Variants in KREMEN1 observed in about 807,000 individuals in gnomAD.
KREMEN1 encodes the protein kremen protein 1.
Under a neutral mutation model 46.5 loss-of-function variants are expected in KREMEN1, and 30 were observed. The ratio of observed to expected loss-of-function variants is 0.65; its 90% CI spans 0.48 to 0.88. The LOEUF (loss-of-function observed/expected upper bound fraction) is 0.88. Ranked by LOEUF, KREMEN1 falls within the 40% of genes least tolerant of loss-of-function variation. KREMEN1 has a pLI of 0.00. For synonymous variants in KREMEN1, 214 were observed against 230.6 expected (o/e 0.93, Z 0.65); for missense variants, 533 against 596.9 (o/e 0.89, Z 1.11).
intron 4 of KREMEN1, chr22:29,125,055 G>A (rs540866523): frequency 7.5e-5 from 42 of 558,916 alleles, no homozygotes; most frequent in Admixed American, 7.2e-4. Context: ...AGTGATGCTC[G>A]CCGACAGGGA....
At chr22:29,105,398 T>C (rs977622288) in intron 3 of KREMEN1, among the ~76,000 whole-genome samples, 2 of 150,824 alleles carry the variant, frequency 1.3e-5, no homozygotes, top group Non-Finnish European at 3.0e-5. Flanking sequence ...TGGGTTGGGG[T>C]AGTAAGGGCA....
downstream of KREMEN1, among the ~76,000 whole-genome samples, chr22:29,147,095 C>T (rs1200847434): frequency 6.6e-6 from 1 of 152,184 alleles, no homozygotes; most frequent in Non-Finnish European, 1.5e-5. Flanking sequence ...CAAGGCTCTG[C>T]AGCAGAGAGA....
At position 29,118,404 on chromosome 22, in the gene KREMEN1, G is replaced by C. The variant is rs138927430; in HGVS notation, c.353-2953G>C. 1.4e-3 allele frequency among the ~76,000 whole-genome samples: 214 copies of C among 152,216 alleles called. 1 individual carries two copies. Among genetic ancestry groups the C allele is most frequent in the African/African-American group, 4.7e-3 (196 of 41,544 alleles). On this transcript the variant is annotated intron_variant, in intron 3 of 8. Transcript: ENST00000400335. ...TATACAAGGGCATGAATACCAGGAA[G>C]GGGGGATCTGTCTTAGGCAGTTTGG...
At chr22:29,159,268 C>T (rs948257293) in intron 9 of KREMEN1, among the ~76,000 whole-genome samples, 18 of 151,924 alleles carry the variant, frequency 1.2e-4, no homozygotes, top group African/African-American at 3.6e-4. Context: ...ACCCAGCCAG[C>T]CCAGGAGTGT....
Position 29,094,423 on chromosome 22 carries a change from A to G in KREMEN1, c.260+3A>G, listed in dbSNP as rs1437770071. ...CTGGGTGAGCACAACTATTGCAGGT[A>G]AGATGGGGCCACTCAGTACTTTAAA... On this transcript the variant is annotated splice_donor_region_variant and intron_variant, in intron 2 of 8. Transcript: ENST00000400335. 3 of 1,611,484 alleles carry G rather than the reference A, an allele frequency of 1.9e-6. No individual in the cohort carries two copies. The highest frequency in any genetic ancestry group is 2.5e-6 in the Non-Finnish European group (3 of 1,178,870).
intron 9 of KREMEN1, chr22:29,166,906 C>T (rs1354184204): frequency 2.9e-6 from 2 of 682,214 alleles, no homozygotes; most frequent in Admixed American, 2.1e-5. Flanking sequence ...GCACTCCAGG[C>T]TGGGTGACAG....
intron 5 of KREMEN1, among the ~76,000 whole-genome samples, chr22:29,126,255 A>C (rs1163473628): frequency 6.6e-6 from 1 of 152,202 alleles, no homozygotes; most frequent in Non-Finnish European, 1.5e-5. Context: ...CATATGGTTT[A>C]TTAGTTTCCT....
intron 9 of KREMEN1, chr22:29,166,949 A>C: frequency 1.0e-6 from 1 of 1,000,198 alleles, no homozygotes. Context: ...AAAACAAAAG[A>C]GACCAAAATC....
At chr22:29,134,373 T>C (rs2038622964) in intron 5 of KREMEN1, among the ~76,000 whole-genome samples, 1 of 152,092 alleles carries the variant, frequency 6.6e-6, no homozygotes, top group Non-Finnish European at 1.5e-5. Context: ...CTCAGGCTGG[T>C]TTTGAACTCC....
chr22:29,159,229 G>A (rs971872197), intron 9 of KREMEN1, among the ~76,000 whole-genome samples: 1 of 149,628 alleles, frequency 6.7e-6, no homozygotes, highest in African/African-American at 2.5e-5. Flanking sequence ...GCCTCCCAAA[G>A]TGCTGGGATT....
chr22:29,144,507 C>T lies in KREMEN1; in HGVS notation c.*2395C>T, dbSNP rs2038821692. 1.1e-5 allele frequency: 11 copies of T among 985,384 alleles called. No homozygotes were observed. The highest frequency in any genetic ancestry group is 6.1e-5 in the Admixed American group (1 of 16,268). The allele number at this position is 985,384 out of a possible 1,614,324, so 61.0% of individuals were successfully genotyped here. The stretch of plus-strand genomic sequence containing the variant: ...TCTGGAAAGAGCAGCTGTCCGCAGG[C>T]CTCTGTCTCCAAGAGGCCTGTCACA... On this transcript the variant is annotated 3_prime_UTR_variant, in exon 9 of 9. Transcript: ENST00000400335.
At chr22:29,164,473 T>A (rs2039036706) in intron 9 of KREMEN1, among the ~76,000 whole-genome samples, 1 of 152,136 alleles carries the variant, frequency 6.6e-6, no homozygotes, top group African/African-American at 2.4e-5. Context: ...TGTAACAAAC[T>A]ATCCAAAAAT....
At chr22:29,105,512 C>CACACACACAT (rs56047123) in intron 3 of KREMEN1, among the ~76,000 whole-genome samples, 1 of 151,174 alleles carries the variant, frequency 6.6e-6, no homozygotes, top group Non-Finnish European at 1.5e-5. Context: ...CACACACACA[C>CACACACACAT]TCTGATGAAT....
At chr22:29,162,876 G>A (rs138483229) in intron 9 of KREMEN1, among the ~76,000 whole-genome samples, 2 of 152,282 alleles carry the variant, frequency 1.3e-5, no homozygotes, top group African/African-American at 4.8e-5. Flanking sequence ...ATCAATGGTG[G>A]ATTAGATAAA....
intron 5 of KREMEN1, among the ~76,000 whole-genome samples, chr22:29,128,719 G>A (rs1028918819): frequency 2.0e-5 from 3 of 152,158 alleles, no homozygotes; most frequent in Non-Finnish European, 4.4e-5. Flanking sequence ...GTGCTTTTGT[G>A]AATTTTATGT....
At chr22:29,149,297 G>C (rs181122442), downstream of KREMEN1, among the ~76,000 whole-genome samples, 251 of 152,166 alleles carry the variant, frequency 1.6e-3, 1 homozygote, top group Non-Finnish European at 3.2e-3. Context: ...CGAGTAGCTG[G>C]GACTACAGGC....
intron 5 of KREMEN1, among the ~76,000 whole-genome samples, chr22:29,134,539 T>C (rs568926167): frequency 3.3e-5 from 5 of 152,232 alleles, no homozygotes; most frequent in Admixed American, 1.3e-4. Context: ...TCTAGTTCTG[T>C]AGATTGTTTT....
intron 3 of KREMEN1, among the ~76,000 whole-genome samples, chr22:29,116,176 GC>G (rs969473009): frequency 2.0e-5 from 3 of 152,166 alleles, no homozygotes; most frequent in Non-Finnish European, 4.4e-5. Context: ...GGAATGTACT[GC>G]AAAGATTATT....
chr22:29,082,810 C>A (rs1003022564), intron 1 of KREMEN1, among the ~76,000 whole-genome samples: 1 of 152,198 alleles, frequency 6.6e-6, no homozygotes, highest in African/African-American at 2.4e-5. Context: ...TATTCTAGAC[C>A]CTGAGCCTTC....
Sources: allele counts gnomAD v4.1 joint callset (sites outside exome capture counted in the v4.1 genomes callset), GRCh38; gene constraint gnomAD v4.1.1; transcripts MANE v1.5; gene names NCBI Gene and HGNC (gene_info 2026-07-23, HGNC 2026-07-21).